The following NAV3 variants were observed in gnomAD, a reference collection of about 807,000 sequenced individuals.
The protein encoded by NAV3 is neuron navigator 3.
Under a neutral mutation model 244.7 loss-of-function variants are expected in NAV3, and 87 were observed. The observed-to-expected ratio is 0.36, with a 90% confidence interval of 0.30 to 0.42. The LOEUF (loss-of-function observed/expected upper bound fraction) is 0.42. NAV3 is among the 20% of genes least tolerant of loss of function. NAV3 has a pLI of 1.00. For missense variants in NAV3, 2,663 were observed against 2,893.3 expected (o/e 0.92, Z 1.83); for synonymous variants, 1,126 against 1,042.2 (o/e 1.08, Z -1.55).
chr12:77,630,595 A>G (rs182573469), intron 2 of NAV3, among the ~76,000 whole-genome samples: 129 of 152,256 alleles, frequency 8.5e-4, no homozygotes, highest in African/African-American at 2.8e-3. Context: ...TCTTTTAAGT[A>G]TAACTGGCTG....
At chr12:78,093,120 T>G (rs772017578) in intron 12 of NAV3, among the ~76,000 whole-genome samples, 2 of 152,218 alleles carry the variant, frequency 1.3e-5, no homozygotes, top group African/African-American at 4.8e-5. Context: ...AAAAGAAGAA[T>G]GAGTTAACAA....
intron 2 of NAV3, among the ~76,000 whole-genome samples, chr12:77,733,653 G>T (rs1321415766): frequency 6.6e-6 from 1 of 151,848 alleles, no homozygotes; most frequent in Non-Finnish European, 1.5e-5. Flanking sequence ...TTAAATGGTG[G>T]CTAGAAACAA....
chr12:77,704,207 ATAATAGT>A (rs1269969156), intron 2 of NAV3, among the ~76,000 whole-genome samples: 2 of 152,176 alleles, frequency 1.3e-5, no homozygotes, highest in African/African-American at 4.8e-5. Flanking sequence ...ATTAGTTTTA[ATAATAGT>A]TAAAGTTATT....
intron 5 of NAV3, among the ~76,000 whole-genome samples, chr12:77,971,946 T>C (rs1440344589): frequency 6.6e-6 from 1 of 152,198 alleles, no homozygotes; most frequent in African/African-American, 2.4e-5. Flanking sequence ...ATTTTTAATT[T>C]GATTTTGCTA....
chr12:77,903,476 C>T (rs1249829450), intron 1 of NAV3, among the ~76,000 whole-genome samples: 6 of 152,118 alleles, frequency 3.9e-5, no homozygotes, highest in African/African-American at 1.2e-4. Flanking sequence ...TTCCTTACAC[C>T]TTATACAAAA....
At chr12:77,948,417 A>G (rs1192507737) in intron 3 of NAV3, among the ~76,000 whole-genome samples, 1 of 151,976 alleles carries the variant, frequency 6.6e-6, no homozygotes. Context: ...TGCATATATA[A>G]CTATTGCAAA....
chr12:77,679,782 G>A (rs1182995946), intron 2 of NAV3, among the ~76,000 whole-genome samples: 1 of 152,150 alleles, frequency 6.6e-6, no homozygotes, highest in Non-Finnish European at 1.5e-5. Flanking sequence ...AGAAGCAAGA[G>A]CGATCAACAG....
In NAV3 at chr12:78,194,424, A is replaced by C. The variant is rs186401231; in HGVS notation, c.6292-2823A>C. On this transcript the variant is annotated intron_variant, in intron 34 of 39. Transcript: ENST00000397909. ...TATTCATTCACCTCATGGAACATAGAATATCTTTTCATAATTAAAATCTGA... is the reference window on the plus strand; with the variant it reads ...TATTCATTCACCTCATGGAACATAGCATATCTTTTCATAATTAAAATCTGA... Among the ~76,000 whole-genome samples, 722 of 152,146 alleles carry C rather than the reference A, an allele frequency of 4.7e-3. 7 individuals are homozygous for C. The highest frequency in any genetic ancestry group is 0.016 in the African/African-American group (685 of 41,540).
chr12:77,874,558 AT>A (rs1223808032), intron 1 of NAV3, among the ~76,000 whole-genome samples: 1 of 152,124 alleles, frequency 6.6e-6, no homozygotes, highest in African/African-American at 2.4e-5. Context: ...TTTAAAAAAA[AT>A]CTAAACTTAC....
rs773364774 is a variant in NAV3 at position 78,119,867 on chromosome 12, C to G, written c.3671C>G (p.Ser1224Cys). The G allele has an allele frequency of 6.2e-7, 1 of 1,614,212 alleles. No individual in the cohort carries two copies. ...LSGSPKSSPT[S>C]ASACGAQGLR... ...GGTTCCCCCAAATCCAGCCCCACCT[C>G]TGCCAGCGCCTGTGGTGCACAAGGT... is the stretch of plus-strand genomic sequence containing the variant. The change falls in exon 15 of 40, where the codon TCT becomes TGT. Residue 1224 changes from serine to cysteine, a missense_variant. This residue lies in a region of NAV3 where 1,521 missense variants were observed against 1,497.0 expected (regional missense o/e 1.02). Transcript: ENST00000397909.
intron 1 of NAV3, among the ~76,000 whole-genome samples, chr12:77,844,334 A>C (rs1157424489): frequency 6.6e-6 from 1 of 152,168 alleles, no homozygotes; most frequent in Non-Finnish European, 1.5e-5. Context: ...CCTTATTCCC[A>C]TCTATGAGGG....
rs529938534 is a variant in NAV3 at position 78,209,546 on chromosome 12, C to T, written c.7039-852C>T. Among the ~76,000 whole-genome samples the T allele has an allele frequency of 2.4e-4, 35 of 146,956 alleles. 1 individual carries two copies. The East Asian group carries it at 5.2e-3, about 22-fold the overall frequency. ...AATTTGCCTTTAAACACTTTTTTTC[C>T]GAAAAAAAAAAAAAAGTCCATCTCT... On this transcript the variant is annotated intron_variant, in intron 39 of 39. Coordinates refer to ENST00000397909, the MANE Select transcript of NAV3 (RefSeq NM_001024383.2).
In NAV3 at chr12:77,932,899, G is replaced by T. The variant is rs1888947292; in HGVS notation, c.244-7420G>T. On this transcript the variant is annotated intron_variant, in intron 1 of 39. Coordinates refer to ENST00000397909, the MANE Select transcript of NAV3 (RefSeq NM_001024383.2). ...ATACAAAATTCTCTGAAATCATGAG[G>T]CTATTTCATAGCTCTGTTCCTCTGT... Among the ~76,000 whole-genome samples, 4 of 152,138 alleles carry T rather than the reference G, an allele frequency of 2.6e-5. No individual in the cohort carries two copies. In the South Asian group the frequency reaches 8.3e-4, roughly 32 times the overall value.
intron 2 of NAV3, among the ~76,000 whole-genome samples, chr12:77,727,181 A>C (rs1392659195): frequency 6.6e-6 from 1 of 151,900 alleles, no homozygotes; most frequent in Non-Finnish European, 1.5e-5. Context: ...GGACTGGTGT[A>C]GGCTGAGAGA....
chr12:78,165,126 C>T (rs941759286), intron 23 of NAV3, among the ~76,000 whole-genome samples: 1 of 151,988 alleles, frequency 6.6e-6, no homozygotes, highest in Admixed American at 6.6e-5. Flanking sequence ...GAGAAACTTT[C>T]GTGGAAAACT....
At chr12:78,117,586 A>T (rs916039523) in intron 13 of NAV3, among the ~76,000 whole-genome samples, 1 of 150,738 alleles carries the variant, frequency 6.6e-6, no homozygotes, top group Non-Finnish European at 1.5e-5. Flanking sequence ...TTATGTTGCC[A>T]TATCTCTCCT....
At chr12:78,065,880 C>A (rs2137531843) in intron 12 of NAV3, among the ~76,000 whole-genome samples, 1 of 152,082 alleles carries the variant, frequency 6.6e-6, no homozygotes, top group African/African-American at 2.4e-5. Context: ...GAGTGAATTC[C>A]TAGACAAAAT....
At chr12:77,663,627 T>A (rs1284566109) in intron 2 of NAV3, among the ~76,000 whole-genome samples, 1 of 151,698 alleles carries the variant, frequency 6.6e-6, no homozygotes, top group Non-Finnish European at 1.5e-5. Flanking sequence ...GTTCAAGCAA[T>A]TCTTCTGCCT....
chr12:77,926,812 A>G (rs1296619684), intron 1 of NAV3, among the ~76,000 whole-genome samples: 3 of 152,194 alleles, frequency 2.0e-5, no homozygotes, highest in African/African-American at 7.2e-5. Flanking sequence ...GCATTTTGAG[A>G]ACTACGGTCT....
Sources: allele counts gnomAD v4.1 joint callset (sites outside exome capture counted in the v4.1 genomes callset), GRCh38; gene constraint gnomAD v4.1.1; regional missense constraint gnomAD v4.1.1; transcripts MANE v1.5; gene names NCBI Gene and HGNC (gene_info 2026-07-23, HGNC 2026-07-21).